ATP5MJ: variants seen among roughly 807,000 people sequenced by gnomAD.
ATP5MJ encodes the protein ATP synthase F(0) complex subunit j, mitochondrial.
In ATP5MJ, 4 loss-of-function variants were observed where a neutral mutation model predicts 8.3. That is an observed-to-expected ratio of 0.48 (90% confidence interval 0.24 to 1.11). The LOEUF is 1.11. ATP5MJ is among the 50% of genes least tolerant of loss of function. The pLI is 0.18. For synonymous variants in ATP5MJ, 23 were observed against 21.3 expected, an observed-to-expected ratio of 1.08 and a Z score of -0.23; for missense variants, 66 against 71.8, an observed-to-expected ratio of 0.92 and a Z score of 0.29.
At chr14:103,919,078 A>T (rs2087649966) in intron 1 of ATP5MJ, among the ~76,000 whole-genome samples, 1 of 152,036 alleles carries the variant, frequency 6.6e-6, no homozygotes, top group Admixed American at 6.6e-5. Flanking sequence ...AGTGCCTGGT[A>T]CGGAATAAAA....
chr14:103,918,392 C>T (rs1226494502), intron 1 of ATP5MJ, among the ~76,000 whole-genome samples: 1 of 151,340 alleles, frequency 6.6e-6, no homozygotes, highest in Non-Finnish European at 1.5e-5. Context: ...GACGGAGTCT[C>T]GCTCTGTCAC....
At chr14:103,914,658 A>G (rs1354900622) in intron 2 of ATP5MJ, 1 of 590,288 alleles carries the variant, frequency 1.7e-6, no homozygotes, top group Non-Finnish European at 3.0e-6. Context: ...AGTACAAAAA[A>G]AAAATTAGCT....
rs935597391 is a variant in ATP5MJ at position 103,921,517 on chromosome 14, A to C, written c.-48T>G. ...AGAACGCACCACAAATCTGCAGCCA[A>C]CTCGGAAAGGTCACCGAGCGCGCAG... On this transcript the variant is annotated 5_prime_UTR_variant, in exon 1 of 4. Transcript: ENST00000286953. 11 of 153,312 alleles carry C rather than the reference A, an allele frequency of 7.2e-5. No individual in the cohort carries two copies. Among genetic ancestry groups the C allele is most frequent in the African/African-American group, 2.7e-4 (11 of 41,466 alleles). The allele number at this position is 153,312 out of a possible 1,614,324, so 9.5% of individuals were successfully genotyped here.
rs188036235 is a variant in ATP5MJ at position 103,915,094 on chromosome 14, G to C, written c.96C>G (p.Gly32=). Residue 32 remains glycine, a synonymous_variant, in exon 2 of 4, where the codon GGC becomes GGG. Coordinates refer to ENST00000286953, the MANE Select transcript of ATP5MJ (RefSeq NM_004894.3). ...CAGCCCGGATTTTATAAACGATGAA[G>C]CCCATCAGCCCCATTCCTATCCAAA... ...QEIWIGMGLM[G]FIVYKIRAAD... is the part of the protein sequence containing the mutation. 4 of 1,613,930 alleles carry C rather than the reference G, an allele frequency of 2.5e-6. No individual in the cohort carries two copies. The highest frequency in any genetic ancestry group is 3.4e-6 in the Non-Finnish European group (4 of 1,180,010).
intron 1 of ATP5MJ, chr14:103,921,041 T>TGGCG: frequency 6.4e-7 from 1 of 1,551,606 alleles, no homozygotes; most frequent in South Asian, 1.2e-5. Flanking sequence ...ACCCAAGTTG[T>TGGCG]CATGTACAGC....
chr14:103,914,854 A>G (rs1466837288), intron 2 of ATP5MJ: 3 of 448,780 alleles, frequency 6.7e-6, no homozygotes, highest in Admixed American at 9.8e-5. Context: ...AAAAAAAAAA[A>G]AAAGAAAAGA....
chr14:103,915,338 CA>C (rs777073575), intron 1 of ATP5MJ, 149 bp from the exon 2 acceptor site: 155 of 810,174 alleles, frequency 1.9e-4, no homozygotes, highest in Admixed American at 2.3e-4. Context: ...TCTGCACTCA[CA>C]GGGGACTCAC....
chr14:103,917,848 C>T (rs776887016), intron 1 of ATP5MJ, among the ~76,000 whole-genome samples: 12 of 152,154 alleles, frequency 7.9e-5, no homozygotes, highest in Non-Finnish European at 1.5e-4. Flanking sequence ...AGCGGGTACT[C>T]GGATCCCGCA....
rs1430813671 is a variant in ATP5MJ at position 103,913,982 on chromosome 14, T to C, written c.127A>G (p.Lys43Glu). The change falls in exon 3 of 4, where the codon AAA becomes GAA. Residue 43 changes from lysine to glutamate, a missense_variant and splice_region_variant. Transcript: ENST00000286953. ...FIVYKIRAAD[K>E]RSKALKASAP... ...TTACCTTTCAAAGCCTTACTTCTTT[T>C]ATCTAAAATAAAAGGAAGGAAAAAA... is the stretch of plus-strand genomic sequence containing the variant. The C allele has an allele frequency of 2.5e-6, 4 of 1,606,742 alleles. No homozygotes were observed. The highest frequency in any genetic ancestry group is 2.2e-5 in the South Asian group (2 of 89,114).
At chr14:103,920,116 C>T (rs1289210243) in intron 1 of ATP5MJ, among the ~76,000 whole-genome samples, 5 of 148,456 alleles carry the variant, frequency 3.4e-5, no homozygotes, top group African/African-American at 5.0e-5. Flanking sequence ...TGAACCACCG[C>T]GTCCGGCCCC....
chr14:103,921,458 C>A lies in ATP5MJ; in HGVS notation c.-1+12G>T, dbSNP rs1284615675. ...CGCACCTCGGGAGCCAGGTCCAGGT[C>A]CCCGTACTCACCTTGGCGCAGGACA... On this transcript the variant is annotated intron_variant, in intron 1 of 3. Transcript: ENST00000286953. 2 of 215,668 alleles carry A rather than the reference C, an allele frequency of 9.3e-6. No individual in the cohort carries two copies. Among genetic ancestry groups the A allele is most frequent in the East Asian group, 1.1e-4 (1 of 9,418 alleles). The allele number at this position is 215,668 out of a possible 1,614,324, so 13.4% of individuals were successfully genotyped here. A position where few individuals can be genotyped will look rare whatever the true frequency, so the allele number is the denominator to read the frequency against.
At chr14:103,914,845 A>AAAAAG in intron 2 of ATP5MJ, 1 of 436,836 alleles carries the variant, frequency 2.3e-6, no homozygotes, top group Non-Finnish European at 3.9e-6. Flanking sequence ...TCCAAAAAAA[A>AAAAAG]AAAAAAAAAA....
At chr14:103,921,268 G>C in intron 1 of ATP5MJ, 1 of 493,734 alleles carries the variant, frequency 2.0e-6, no homozygotes, top group East Asian at 3.5e-5. Flanking sequence ...GGAGGGAAAC[G>C]CGGCGCAGGC....
chr14:103,914,849 A>AAAAAAAAAAAAAAAAAAAAAAAAAC, intron 2 of ATP5MJ: 1 of 365,072 alleles, frequency 2.7e-6, no homozygotes, highest in Non-Finnish European at 4.6e-6. Flanking sequence ...AAAAAAAAAA[A>AAAAAAAAAAAAAAAAAAAAAAAAAC]AAAAAAAAGA....
chr14:103,921,140 T>C, intron 1 of ATP5MJ: 1 of 1,021,516 alleles, frequency 9.8e-7, no homozygotes, highest in South Asian at 1.4e-5. Context: ...TGGCTTGGAC[T>C]CTGGCTTCTC....
chr14:103,914,857 AG>A (rs869285979), intron 2 of ATP5MJ: 993 of 411,030 alleles, frequency 2.4e-3, no homozygotes, highest in South Asian at 6.3e-3. Flanking sequence ...AAAAAAAAAA[AG>A]AAAAGAAAAG....
intron 1 of ATP5MJ, among the ~76,000 whole-genome samples, chr14:103,916,273 A>G (rs1172440208): frequency 6.6e-6 from 1 of 152,250 alleles, no homozygotes; most frequent in Non-Finnish European, 1.5e-5. Context: ...TGCAGGTCTC[A>G]AAATAATGCT....
At position 103,912,695 on chromosome 14, in the gene ATP5MJ, C is replaced by G; in HGVS notation, c.149-1G>C. ...TGATGACCAGGAGCAGGCGCTGAAG[C>G]TTTTGAAAGAGATGCATATATAAAT... On this transcript the variant is annotated splice_acceptor_variant, in intron 3 of 3. Coordinates refer to ENST00000286953, the MANE Select transcript of ATP5MJ (RefSeq NM_004894.3). LOFTEE classifies it high-confidence loss of function. 1 of 1,613,786 alleles carries G rather than the reference C, an allele frequency of 6.2e-7. No homozygotes were observed. The highest frequency in any genetic ancestry group is 8.5e-7 in the Non-Finnish European group (1 of 1,179,770).
At chr14:103,917,155 T>C (rs755267023) in intron 1 of ATP5MJ, among the ~76,000 whole-genome samples, 1 of 152,136 alleles carries the variant, frequency 6.6e-6, no homozygotes, top group Non-Finnish European at 1.5e-5. Flanking sequence ...CTGGAAGGAA[T>C]AGGGAGGCCA....
Sources: gnomAD v4.1 joint callset for allele counts (sites outside exome capture counted in the v4.1 genomes callset) on GRCh38, gnomAD v4.1.1 for gene constraint, MANE v1.5 for transcripts, NCBI Gene and HGNC (gene_info 2026-07-23, HGNC 2026-07-21) for gene names.